Variants in C5 observed in about 807,000 individuals in gnomAD.
The protein encoded by C5 is complement C5, also known as C3 and PZP-like alpha-2-macroglobulin domain-containing protein 4.
Under a neutral mutation model 218.8 loss-of-function variants are expected in C5, and 140 were observed. The observed-to-expected ratio is 0.64, with a 90% CI of 0.56 to 0.74. The LOEUF (loss-of-function observed/expected upper bound fraction) is 0.74. Ranked by LOEUF, C5 falls within the 30% of genes least tolerant of loss-of-function variation. The pLI is 0.00. For synonymous variants in C5, 614 were observed against 682.3 expected, an observed-to-expected ratio of 0.90 and a Z score of 1.56; for missense variants, 1,700 against 1,969.6, an observed-to-expected ratio of 0.86 and a Z score of 2.59.
chr9:121,035,031 T>C (rs2047511735), intron 4 of C5, 137 bp from the exon 5 acceptor site: 2 of 594,412 alleles, frequency 3.4e-6, no homozygotes, highest in East Asian at 5.7e-5. Context: ...AAATTAAATA[T>C]GAAGGATGAA....
intron 5 of C5, 22 bp downstream of exon 5, chr9:121,034,781 A>AT (rs2047508885): frequency 7.4e-7 from 1 of 1,349,268 alleles, no homozygotes; most frequent in Non-Finnish European, 1.1e-6. Context: ...ATGTGGTTTT[A>AT]TTAACAACTA....
chr9:121,060,654 G>A, the C5 span, among the ~76,000 whole-genome samples: 1 of 151,520 alleles, frequency 6.6e-6, no homozygotes, highest in Non-Finnish European at 1.5e-5. Flanking sequence ...AAAACACTTA[G>A]TCTATCCCTC....
chr9:120,981,919 G>C lies in C5; in HGVS notation c.3411C>G (p.Ala1137=). 6.2e-7 allele frequency: 1 copy of C among 1,613,610 alleles called. No individual in the cohort carries two copies. Among genetic ancestry groups the C allele is most frequent in the Non-Finnish European group, 8.5e-7 (1 of 1,179,628 alleles). ...IKLQGTLPVE[A]RENSLYLTAF... is the part of the protein sequence containing the mutation. The stretch of plus-strand genomic sequence containing the variant: ...CTGTAAGATATAAGCTGTTCTCTCG[G>C]GCTTCAACAGGCAAGGTACCCTAAA... Residue 1137 remains alanine, a synonymous_variant, in exon 27 of 41, where the codon GCC becomes GCG. Transcript: ENST00000223642.
chr9:120,964,686 G>GTTTTGT lies in C5; in HGVS notation c.4221-954_4221-949dup, dbSNP rs146297819. Reference sequence around the variant, plus strand: ...AATGCAAAAAGGGCACAATGGGAGGGTTTTGTTTTTGTTTTTGTTTTGTAA... The same window carrying GTTTTGT: ...AATGCAAAAAGGGCACAATGGGAGGGTTTTGTTTTTGTTTTTGTTTTTGTTTTGTAA... On this transcript the variant is annotated intron_variant, in intron 33 of 40. Coordinates refer to ENST00000223642, the MANE Select transcript of C5 (RefSeq NM_001735.3). 5.3e-5 allele frequency among the ~76,000 whole-genome samples: 8 copies of GTTTTGT among 152,180 alleles called. No homozygotes were observed. In the South Asian group the frequency reaches 6.2e-4, roughly 12 times the overall value.
At position 120,953,084 on chromosome 9, in the gene C5, C is replaced by T. The variant is rs538234994; in HGVS notation, c.4902-216G>A. Among the ~76,000 whole-genome samples the T allele has an allele frequency of 8.5e-5, 13 of 152,228 alleles. No individual in the cohort carries two copies. In the South Asian group the frequency reaches 1.2e-3, roughly 15 times the overall value. On this transcript the variant is annotated intron_variant, in intron 40 of 40. Coordinates refer to ENST00000223642, the MANE Select transcript of C5 (RefSeq NM_001735.3). ...GACTACAGGTGCCTGCCACCACGCC[C>T]GGCTATTTTTTTTGTATTTTTAGTA... is the stretch of plus-strand genomic sequence containing the variant.
Position 121,017,227 on chromosome 9 carries a change from G to T in C5, c.1866+135C>A. The T allele has an allele frequency of 4.8e-6, 5 of 1,037,304 alleles. No homozygotes were observed. The South Asian group carries it at 6.7e-5, about 14-fold the overall frequency. The allele number at this position is 1,037,304 out of a possible 1,614,324, so 64.3% of individuals were successfully genotyped here. The stretch of plus-strand genomic sequence containing the variant: ...TGCTTTGGGAGCTGACAGGAGGATG[G>T]TTTACCTTCCTAAAAATGAGTATGT... On this transcript the variant is annotated intron_variant, in intron 14 of 40. Transcript: ENST00000223642.
At chr9:120,989,838 T>A in intron 23 of C5, 58 bp from the exon 24 acceptor site, 1 of 1,351,556 alleles carries the variant, frequency 7.4e-7, no homozygotes, top group South Asian at 1.2e-5. Context: ...TAACAGTATG[T>A]TCTCAAGAGA....
chr9:120,973,444 G>A (rs2046929425), intron 30 of C5, among the ~76,000 whole-genome samples: 1 of 152,160 alleles, frequency 6.6e-6, no homozygotes, highest in African/African-American at 2.4e-5. Flanking sequence ...GCACAAAGCA[G>A]GTATGAACAT....
chr9:120,964,409 T>C (rs935904242), intron 33 of C5, among the ~76,000 whole-genome samples: 11 of 152,190 alleles, frequency 7.2e-5, no homozygotes, highest in African/African-American at 2.2e-4. Flanking sequence ...GAGGTTGCAG[T>C]GCGCCGAGAT....
Position 120,974,845 on chromosome 9 carries a change from G to A in C5, c.3951C>T (p.Tyr1317=), listed in dbSNP as rs763493139. ...LRLSMDIDVS[Y]KHKGALHNYK... is the part of the protein sequence containing the mutation. ...AATTATGTAAGGCACCTTTATGCTT[G>A]TAAGAAACATCGATGTCCATACTCA... Residue 1317 remains tyrosine, a synonymous_variant, in exon 30 of 41, where the codon TAC becomes TAT. Transcript: ENST00000223642. 10 of 1,613,830 alleles carry A rather than the reference G, an allele frequency of 6.2e-6. No individual in the cohort carries two copies. The highest frequency in any genetic ancestry group is 2.2e-5 in the East Asian group (1 of 44,894).
At chr9:120,967,925 G>A (rs911622774) in intron 33 of C5, among the ~76,000 whole-genome samples, 7 of 151,796 alleles carry the variant, frequency 4.6e-5, no homozygotes. Flanking sequence ...GTCTGGCTAT[G>A]GTGCCCAGGC....
intron 10 of C5, among the ~76,000 whole-genome samples, chr9:121,022,619 AG>A (rs2047375740): frequency 6.7e-6 from 1 of 150,134 alleles, no homozygotes; most frequent in Non-Finnish European, 1.5e-5. Context: ...GATTTTAAAA[AG>A]TAACACATTT....
chr9:121,045,726 G>C (rs757486152), intron 2 of C5, among the ~76,000 whole-genome samples: 1 of 152,030 alleles, frequency 6.6e-6, no homozygotes. Flanking sequence ...TTGTCAATGA[G>C]AGCTATTCAC....
At position 121,050,270 on chromosome 9, in the gene C5, G is replaced by T; in HGVS notation, c.-24C>A. 1 of 1,579,776 alleles carries T rather than the reference G, an allele frequency of 6.3e-7. No individual in the cohort carries two copies. Among genetic ancestry groups the T allele is most frequent in the Non-Finnish European group, 8.7e-7 (1 of 1,148,788 alleles). The stretch of plus-strand genomic sequence containing the variant: ...ATGGTTGGAGGTAGCAGGAAACCAC[G>T]GATATAACACTTTTGAGGATAGTCT... On this transcript the variant is annotated 5_prime_UTR_variant, in exon 1 of 41. Coordinates refer to ENST00000223642, the MANE Select transcript of C5 (RefSeq NM_001735.3).
chr9:120,970,393 A>AT (rs1312215962), intron 31 of C5, 142 bp from the exon 32 acceptor site: 28 of 696,814 alleles, frequency 4.0e-5, no homozygotes, highest in Non-Finnish European at 6.8e-5. Flanking sequence ...TTAGTGACTC[A>AT]TTTTTCCAGC....
At chr9:120,964,593 C>T (rs1196578902) in intron 33 of C5, among the ~76,000 whole-genome samples, 2 of 152,122 alleles carry the variant, frequency 1.3e-5, no homozygotes, top group Non-Finnish European at 2.9e-5. Flanking sequence ...ATAATAGCTA[C>T]TTTATATAGA....
Position 121,013,961 on chromosome 9 carries a change from T to C in C5, c.2169A>G (p.Arg723=). 6.2e-7 allele frequency: 1 copy of C among 1,614,202 alleles called. No homozygotes were observed. Among genetic ancestry groups the C allele is most frequent in the Non-Finnish European group, 8.5e-7 (1 of 1,180,026 alleles). ...AACATTCAGTGAAAGCTTTGATGCA[T>C]CTTGGCCCTAAACTAATCCGTGCAG... ...QRAARISLGP[R]CIKAFTECCV... is the part of the protein sequence containing the mutation. The change falls in exon 17 of 41, where the codon AGA becomes AGG. Residue 723 remains arginine, a synonymous_variant. Transcript: ENST00000223642.
At position 121,013,855 on chromosome 9, in the gene C5, A is replaced by G; in HGVS notation, c.2257+18T>C. ...TCCCCATATTGAGCAGAATTCTGATAGAAAATGTCATACTTACGTAGCCTT... is the reference window on the plus strand; with the variant it reads ...TCCCCATATTGAGCAGAATTCTGATGGAAAATGTCATACTTACGTAGCCTT... On this transcript the variant is annotated intron_variant, in intron 17 of 40. Transcript: ENST00000223642. The G allele has an allele frequency of 6.2e-7, 1 of 1,608,342 alleles. No individual in the cohort carries two copies. Among genetic ancestry groups the G allele is most frequent in the South Asian group, 1.1e-5 (1 of 90,982 alleles).
intron 34 of C5, 123 bp downstream of exon 34, chr9:120,963,513 A>G (rs1306845868): frequency 1.2e-6 from 1 of 801,568 alleles, no homozygotes. Flanking sequence ...CCAAAAAAAA[A>G]AAAATATTCT....
Sources: gnomAD v4.1 joint callset for allele counts (sites outside exome capture counted in the v4.1 genomes callset) on GRCh38, gnomAD v4.1.1 for gene constraint, MANE v1.5 for transcripts, NCBI Gene and HGNC (gene_info 2026-07-23, HGNC 2026-07-21) for gene names.